The following ASAP1 variants were observed in gnomAD, a reference collection of about 807,000 sequenced individuals.
The protein encoded by ASAP1 is arf-GAP with SH3 domain, ANK repeat and PH domain-containing protein 1.
ASAP1 carries 43 observed loss-of-function variants against 145.2 expected under a neutral mutation model. The observed-to-expected ratio is 0.30, with a 90% CI of 0.23 to 0.38. The LOEUF is 0.38. Ranked by LOEUF, ASAP1 falls within the 10% of genes least tolerant of loss-of-function variation. ASAP1 has a pLI of 1.00. For missense variants in ASAP1, 1,018 were observed against 1,355.3 expected, an observed-to-expected ratio of 0.75 and a Z score of 3.91; for synonymous variants, 546 against 515.5, an observed-to-expected ratio of 1.06 and a Z score of -0.80.
chr8:130,060,384 A>G (rs2097416349), intron 28 of ASAP1, among the ~76,000 whole-genome samples, 195 bp downstream of exon 28: 1 of 152,210 alleles, frequency 6.6e-6, no homozygotes, highest in Admixed American at 6.5e-5. Flanking sequence ...CAGGTCTTGA[A>G]GCCTGTCTGC....
rs145164478 is a variant in ASAP1 at position 130,260,728 on chromosome 8, C to A, written c.187-23734G>T. ...GGATCAATTTGGCCTCTGAAGGGAT[C>A]CCCAGGGTCTGTCTCTATGTGCCGA... On this transcript the variant is annotated intron_variant, in intron 3 of 29. Transcript: ENST00000518721. Among the ~76,000 whole-genome samples the A allele has an allele frequency of 1.2e-3, 184 of 152,200 alleles. 1 individual carries two copies. The highest frequency in any genetic ancestry group is 4.1e-3 in the African/African-American group (171 of 41,540).
At chr8:130,433,405 C>T (rs1353908133) in intron 1 of ASAP1, among the ~76,000 whole-genome samples, 30 of 152,150 alleles carry the variant, frequency 2.0e-4, no homozygotes, top group Non-Finnish European at 2.9e-5. Flanking sequence ...AGAGTAAAGC[C>T]CAGACACCTC....
intron 7 of ASAP1, among the ~76,000 whole-genome samples, chr8:130,183,457 CAG>C (rs1483564364): frequency 1.3e-5 from 2 of 152,072 alleles, no homozygotes; most frequent in African/African-American, 4.8e-5. Flanking sequence ...TCTCCTGCCT[CAG>C]CCTCCTGAGT....
chr8:130,055,740 G>A (rs1364707207), intron 29 of ASAP1, among the ~76,000 whole-genome samples: 1 of 152,100 alleles, frequency 6.6e-6, no homozygotes, highest in African/African-American at 2.4e-5. Flanking sequence ...TCATGTAATG[G>A]GCCTTCAATA....
intron 4 of ASAP1, among the ~76,000 whole-genome samples, chr8:130,218,356 A>G (rs1019515272): frequency 6.6e-6 from 1 of 152,212 alleles, no homozygotes. Flanking sequence ...TGAAAAATAT[A>G]ATTAGTTAAT....
rs1486733426 is a variant in ASAP1, at chr8:130,136,969, ATTT to A, written c.1147_1149del (p.Lys383del). 1 of 1,614,092 alleles carries A rather than the reference ATTT, an allele frequency of 6.2e-7. No individual in the cohort carries two copies. The highest frequency in any genetic ancestry group is 2.2e-5 in the East Asian group (1 of 44,892). On this transcript the variant is annotated inframe_deletion, in exon 14 of 30. Coordinates refer to ENST00000518721, the MANE Select transcript of ASAP1 (RefSeq NM_018482.4). ...GACTCACGTGATATCAGGTCAAAAG[ATTT>A]TTTGTCTTCGGCATTAGGTTTTACT...
At chr8:130,268,532 C>CAA (rs1820401688) in intron 3 of ASAP1, among the ~76,000 whole-genome samples, 1 of 145,496 alleles carries the variant, frequency 6.9e-6, no homozygotes, top group African/African-American at 2.7e-5. Context: ...CACACACACA[C>CAA]ACAACTGTGT....
Position 130,060,752 on chromosome 8 carries a change from C to G in ASAP1, c.3019G>C (p.Val1007Leu). ...DLLAKSQTGDVSPKAQQPSEV... is the reference protein window; with the variant it reads ...DLLAKSQTGDLSPKAQQPSEV... ...GAGGGTTGCTGAGCCTTGGGTGAGA[C>G]ATCTCCAGTCTGGGATTTTGCTAGC... The change falls in exon 28 of 30, where the codon GTC (valine) becomes CTC (leucine). Residue 1007 changes from valine to leucine, a missense_variant. Val to Leu is a conservative substitution (Grantham distance 32, BLOSUM62 1). Transcript: ENST00000518721. The G allele has an allele frequency of 6.2e-7, 1 of 1,614,152 alleles. No individual in the cohort carries two copies. The highest frequency in any genetic ancestry group is 1.3e-5 in the African/African-American group (1 of 75,010).
chr8:130,144,764 G>C (rs962903246), intron 13 of ASAP1, among the ~76,000 whole-genome samples: 2 of 152,138 alleles, frequency 1.3e-5, no homozygotes, highest in Admixed American at 6.6e-5. Flanking sequence ...AGGGTAGATG[G>C]CTGAATTCCC....
intron 5 of ASAP1, among the ~76,000 whole-genome samples, chr8:130,210,950 C>T (rs1816541830): frequency 6.6e-6 from 1 of 152,080 alleles, no homozygotes; most frequent in Non-Finnish European, 1.5e-5. Context: ...CTCAATGAAA[C>T]CCTGCCACTA....
chr8:130,440,159 A>T (rs191823825), intron 1 of ASAP1, among the ~76,000 whole-genome samples: 37 of 152,190 alleles, frequency 2.4e-4, no homozygotes, highest in African/African-American at 8.9e-4. Context: ...TCCAGTTCTA[A>T]GCCACCATCC....
chr8:130,138,342 C>T (rs539279443), intron 13 of ASAP1, among the ~76,000 whole-genome samples: 1 of 152,264 alleles, frequency 6.6e-6, no homozygotes, highest in East Asian at 1.9e-4. Flanking sequence ...AAGCGAACTG[C>T]TTTAGGGGAG....
At chr8:130,185,346 G>A (rs1814642578) in intron 7 of ASAP1, among the ~76,000 whole-genome samples, 1 of 152,152 alleles carries the variant, frequency 6.6e-6, no homozygotes, top group African/African-American at 2.4e-5. Flanking sequence ...CATAAACTAT[G>A]AGTCATTAGG....
intron 1 of ASAP1, among the ~76,000 whole-genome samples, chr8:130,420,299 G>C (rs907825420): frequency 4.7e-5 from 7 of 149,764 alleles, no homozygotes; most frequent in Non-Finnish European, 7.4e-5. Context: ...AACAAGTCTT[G>C]GCGAGGATGT....
chr8:130,113,287 C>T (rs76407966), intron 23 of ASAP1, among the ~76,000 whole-genome samples: 2,664 of 152,212 alleles, frequency 0.018, 34 homozygotes, highest in East Asian at 0.052. Flanking sequence ...TCCATTCCTC[C>T]GACATCCAGA....
chr8:130,289,196 A>C (rs895792732), intron 3 of ASAP1, among the ~76,000 whole-genome samples: 4 of 152,176 alleles, frequency 2.6e-5, no homozygotes, highest in African/African-American at 9.7e-5. Context: ...AAAACAAAAA[A>C]CAAAAACAAA....
At chr8:130,242,281 AAAC>A (rs1395385833) in intron 3 of ASAP1, among the ~76,000 whole-genome samples, 16 of 150,492 alleles carry the variant, frequency 1.1e-4, no homozygotes, top group East Asian at 1.9e-4. Flanking sequence ...AAAAAAAAAA[AAAC>A]AACTTTTTTT....
intron 20 of ASAP1, among the ~76,000 whole-genome samples, 153 bp downstream of exon 20, chr8:130,118,008 A>G (rs1234158507): frequency 6.6e-6 from 1 of 152,234 alleles, no homozygotes; most frequent in South Asian, 2.1e-4. Flanking sequence ...TCTGACAGAG[A>G]GACTTCATGC....
intron 4 of ASAP1, among the ~76,000 whole-genome samples, chr8:130,223,064 C>T (rs1167358242): frequency 6.6e-6 from 1 of 152,128 alleles, no homozygotes; most frequent in Admixed American, 6.5e-5. Flanking sequence ...GCTGATTGGC[C>T]ACTAAGAGGT....
Sources: allele counts gnomAD v4.1 joint callset (sites outside exome capture counted in the v4.1 genomes callset), GRCh38; gene constraint gnomAD v4.1.1; transcripts MANE v1.5; gene names NCBI Gene and HGNC (gene_info 2026-07-23, HGNC 2026-07-21).